RTN4: variants seen among roughly 807,000 people sequenced by gnomAD.
RTN4 encodes reticulon 4.
Under a neutral mutation model 90.4 loss-of-function variants are expected in RTN4, and 32 were observed. The ratio of observed to expected loss-of-function variants is 0.35; its 90% CI spans 0.27 to 0.48. The LOEUF (loss-of-function observed/expected upper bound fraction) is 0.48. Ranked by LOEUF, RTN4 falls within the 20% of genes least tolerant of loss-of-function variation. RTN4 has a pLI of 0.99. For missense variants in RTN4, 1,706 were observed against 1,430.2 expected, an observed-to-expected ratio of 1.19 and a Z score of -3.11; for synonymous variants, 629 against 552.5, an observed-to-expected ratio of 1.14 and a Z score of -1.94.
Position 55,026,661 on chromosome 2 carries a change from A to G in RTN4, c.1438T>C (p.Phe480Leu). 6.2e-7 allele frequency: 1 copy of G among 1,613,544 alleles called. No individual in the cohort carries two copies. Among genetic ancestry groups the G allele is most frequent in the Non-Finnish European group, 8.5e-7 (1 of 1,179,862 alleles). Residue 480 changes from phenylalanine (F) to leucine (L), a missense_variant, in exon 3 of 9, where the codon TTT (phenylalanine) becomes CTT (leucine). Transcript: ENST00000337526. ...AATESIATNI[F>L]PLLGDPTSEN... ...GAAGTAGGATCTCCTAACAAAGGAA[A>G]AATGTTTGTTGCAATGCTCTCAGTT...
chr2:55,069,239 G>A (rs1464161875), intron 2 of RTN4, among the ~76,000 whole-genome samples: 4 of 152,156 alleles, frequency 2.6e-5, no homozygotes, highest in African/African-American at 7.2e-5. Context: ...TAGTCCAGTC[G>A]TCTTCAAGAA....
At chr2:55,124,498 A>G in the RTN4 span, among the ~76,000 whole-genome samples, 1 of 152,254 alleles carries the variant, frequency 6.6e-6, no homozygotes, top group East Asian at 1.9e-4. Context: ...CTAGGAATAC[A>G]GCTAACCAGG....
intron 2 of RTN4, among the ~76,000 whole-genome samples, chr2:55,057,795 G>C (rs145245371): frequency 1.3e-3 from 202 of 152,206 alleles, no homozygotes; most frequent in African/African-American, 4.7e-3. Context: ...AACAGCCTGG[G>C]CAACATAGCA....
At chr2:55,112,905 A>C (rs996021212), upstream of RTN4, among the ~76,000 whole-genome samples, 1 of 152,236 alleles carries the variant, frequency 6.6e-6, no homozygotes, top group Non-Finnish European at 1.5e-5. Context: ...TAAAAACAAA[A>C]AGAGGAAGCA....
the RTN4 span, among the ~76,000 whole-genome samples, chr2:55,134,200 C>G: frequency 2.0e-5 from 3 of 151,754 alleles, no homozygotes; most frequent in Admixed American, 2.0e-4. Context: ...CCAGAGATTG[C>G]TTTTGTGGTC....
At chr2:54,985,056 G>T (rs1014565149) in intron 4 of RTN4, among the ~76,000 whole-genome samples, 3 of 149,604 alleles carry the variant, frequency 2.0e-5, no homozygotes, top group Non-Finnish European at 4.4e-5. Context: ...AGAAAATTTA[G>T]AAGTTTTGGC....
intron 3 of RTN4, among the ~76,000 whole-genome samples, chr2:55,012,267 C>T (rs544475303): frequency 2.6e-5 from 4 of 152,132 alleles, no homozygotes; most frequent in South Asian, 2.1e-4. Flanking sequence ...TAAGACATAC[C>T]CACTCATCTA....
chr2:55,079,105 G>A (rs1305567924), intron 2 of RTN4, among the ~76,000 whole-genome samples: 2 of 152,204 alleles, frequency 1.3e-5, no homozygotes, highest in South Asian at 4.1e-4. Context: ...GGTCACAGAG[G>A]TTTGGTGGTG....
At position 55,027,497 on chromosome 2, in the gene RTN4, G is replaced by A. The variant is rs750205043; in HGVS notation, c.614-12C>T. On this transcript the variant is annotated splice_polypyrimidine_tract_variant and intron_variant, in intron 2 of 8. Coordinates refer to ENST00000337526, the MANE Select transcript of RTN4 (RefSeq NM_020532.5). ...CAAGTCCATATTTTCTGTGACCATG[G>A]ACAGAAAGGAAAGTTAGAGAATGCC... 6.3e-7 allele frequency: 1 copy of A among 1,579,888 alleles called. No homozygotes were observed. The highest frequency in any genetic ancestry group is 1.2e-5 in the South Asian group (1 of 85,590).
chr2:55,025,247 A>G lies in RTN4; in HGVS notation c.2852T>C (p.Leu951Ser). The part of the protein sequence containing the change: ...NGSATSKVLL[L>S]PPDVSALATQ... ...GGCCAAAGCAGAAACATCTGGAGGC[A>G]ATAAGAGCACCTTTGATGTAGCAGA... Residue 951 changes from leucine (L) to serine (S), a missense_variant, in exon 3 of 9, where the codon TTG (leucine) becomes TCG (serine). Physicochemically the swap from Leu to Ser is moderately radical, Grantham distance 145. Transcript: ENST00000337526. 6.2e-7 allele frequency: 1 copy of G among 1,613,916 alleles called. No individual in the cohort carries two copies. The highest frequency in any genetic ancestry group is 8.5e-7 in the Non-Finnish European group (1 of 1,179,856).
At chr2:55,091,688 G>C (rs1479876538) in intron 1 of RTN4, among the ~76,000 whole-genome samples, 1 of 152,096 alleles carries the variant, frequency 6.6e-6, no homozygotes, top group Non-Finnish European at 1.5e-5. Context: ...TTTTTAATTA[G>C]CCAGTGTATT....
At chr2:55,030,728 T>G (rs915463477) in intron 1 of RTN4, among the ~76,000 whole-genome samples, 3 of 152,178 alleles carry the variant, frequency 2.0e-5, no homozygotes, top group Non-Finnish European at 2.9e-5. Context: ...ATTATTATTA[T>G]TTTTTGGCTA....
upstream of RTN4, among the ~76,000 whole-genome samples, chr2:55,051,423 T>C (rs13387836): frequency 0.29 from 43,771 of 152,186 alleles, 6,439 homozygotes; most frequent in African/African-American, 0.32. Context: ...GGAAGCCCCA[T>C]AGTCATTGGT....
chr2:54,997,614 G>A (rs1679533256), intron 3 of RTN4, among the ~76,000 whole-genome samples: 1 of 152,150 alleles, frequency 6.6e-6, no homozygotes, highest in South Asian at 2.1e-4. Context: ...TGTCTATCAA[G>A]TGATGAATGG....
chr2:55,083,216 C>G (rs115515625), intron 1 of RTN4, among the ~76,000 whole-genome samples: 1 of 152,146 alleles, frequency 6.6e-6, no homozygotes, highest in Non-Finnish European at 1.5e-5. Context: ...GGATGTGGGG[C>G]TGGGTGTGGT....
At chr2:54,999,950 C>G (rs1679734592) in intron 3 of RTN4, among the ~76,000 whole-genome samples, 1 of 152,090 alleles carries the variant, frequency 6.6e-6, no homozygotes, top group South Asian at 2.1e-4. Context: ...TTTCTTCCTT[C>G]AGGTTAGTAT....
chr2:55,048,732 A>G (rs2104976798), intron 1 of RTN4, among the ~76,000 whole-genome samples: 1 of 152,264 alleles, frequency 6.6e-6, no homozygotes, highest in African/African-American at 2.4e-5. Flanking sequence ...AGTATTTCTA[A>G]CCAATATATA....
intron 2 of RTN4, among the ~76,000 whole-genome samples, chr2:55,058,521 T>A (rs1389044210): frequency 6.6e-6 from 1 of 152,036 alleles, no homozygotes; most frequent in Non-Finnish European, 1.5e-5. Flanking sequence ...TAACAGCTTC[T>A]GAACTTTTTG....
At chr2:55,053,437 C>T (rs1314457528), upstream of RTN4, among the ~76,000 whole-genome samples, 2 of 152,036 alleles carry the variant, frequency 1.3e-5, no homozygotes, top group South Asian at 2.1e-4. Flanking sequence ...CTATAATCCC[C>T]GCACTTTGGG....
Sources: allele counts gnomAD v4.1 joint callset (sites outside exome capture counted in the v4.1 genomes callset), GRCh38; gene constraint gnomAD v4.1.1; transcripts MANE v1.5; gene names NCBI Gene and HGNC (gene_info 2026-07-23, HGNC 2026-07-21).